NLGN1: variants seen among roughly 807,000 people sequenced by gnomAD.
The protein encoded by NLGN1 is neuroligin 1.
In NLGN1, 12 loss-of-function variants were observed where a neutral mutation model predicts 65.5. That is an observed-to-expected ratio of 0.18 (90% confidence interval 0.12 to 0.30). The LOEUF (loss-of-function observed/expected upper bound fraction) is 0.30. NLGN1 is among the 10% of genes least tolerant of loss of function. The probability of loss-of-function intolerance (pLI) is 1.00; values close to 1 mark genes in which losing one functional copy is unlikely to be tolerated. For missense variants in NLGN1, 750 were observed against 1,007.1 expected (o/e 0.74, Z 3.46); for synonymous variants, 350 against 359.5 (o/e 0.97, Z 0.30).
intron 3 of NLGN1, among the ~76,000 whole-genome samples, chr3:173,672,954 A>G (rs955020138): frequency 6.6e-5 from 10 of 152,118 alleles, no homozygotes; most frequent in Non-Finnish European, 1.2e-4. Context: ...CCTTGTCAAT[A>G]AACAATTGCT....
chr3:173,563,170 C>G (rs1743057219), intron 2 of NLGN1, among the ~76,000 whole-genome samples: 1 of 152,218 alleles, frequency 6.6e-6, no homozygotes, highest in African/African-American at 2.4e-5. Context: ...GCTTACTGAT[C>G]TGGGGCATCT....
chr3:173,652,072 G>T (rs1412388054), intron 3 of NLGN1, among the ~76,000 whole-genome samples: 5 of 152,170 alleles, frequency 3.3e-5, no homozygotes, highest in Non-Finnish European at 7.3e-5. Context: ...GGCGTTACAG[G>T]TGTGAGCCAC....
At chr3:173,975,701 A>G (rs1178121838) in intron 4 of NLGN1, among the ~76,000 whole-genome samples, 1 of 151,940 alleles carries the variant, frequency 6.6e-6, no homozygotes, top group Non-Finnish European at 1.5e-5. Context: ...TTTTACTCAG[A>G]CCAAGAATGC....
At chr3:173,755,473 T>C (rs958562259) in intron 3 of NLGN1, among the ~76,000 whole-genome samples, 21 of 152,108 alleles carry the variant, frequency 1.4e-4, no homozygotes, top group African/African-American at 5.1e-4. Context: ...CCTATTTCAC[T>C]TGACATTTGA....
intron 1 of NLGN1, among the ~76,000 whole-genome samples, chr3:173,411,803 G>T (rs949224217): frequency 8.6e-5 from 13 of 152,008 alleles, no homozygotes; most frequent in Non-Finnish European, 1.6e-4. Flanking sequence ...CTGCTTCTCT[G>T]GGTTACATCT....
intron 4 of NLGN1, among the ~76,000 whole-genome samples, chr3:173,858,003 A>G (rs543633100): frequency 4.0e-4 from 57 of 141,064 alleles, no homozygotes; most frequent in Non-Finnish European, 7.5e-4. Context: ...TTACTAAGTG[A>G]ACAATTACTA....
intron 2 of NLGN1, among the ~76,000 whole-genome samples, chr3:173,439,196 C>T (rs1718697533): frequency 6.6e-6 from 1 of 152,120 alleles, no homozygotes; most frequent in African/African-American, 2.4e-5. Context: ...ATATCACATT[C>T]TTTAGTTTCC....
chr3:173,510,106 G>C (rs1323491247), intron 2 of NLGN1, among the ~76,000 whole-genome samples: 1 of 152,170 alleles, frequency 6.6e-6, no homozygotes, highest in Non-Finnish European at 1.5e-5. Flanking sequence ...GGATCAAAAT[G>C]TAAGGTGGAT....
intron 3 of NLGN1, among the ~76,000 whole-genome samples, chr3:173,788,924 A>G (rs902963587): frequency 1.3e-5 from 2 of 150,822 alleles, no homozygotes; most frequent in Non-Finnish European, 3.0e-5. Flanking sequence ...TTGGCCGGGC[A>G]TGATGGCTCA....
intron 3 of NLGN1, among the ~76,000 whole-genome samples, chr3:173,619,385 C>A (rs1407306758): frequency 6.6e-6 from 1 of 152,076 alleles, no homozygotes; most frequent in Middle Eastern, 3.2e-3. Context: ...ATTATCTGAT[C>A]AAACAATTAT....
intron 3 of NLGN1, among the ~76,000 whole-genome samples, chr3:173,668,994 T>C (rs563699306): frequency 3.3e-5 from 5 of 152,230 alleles, no homozygotes; most frequent in Non-Finnish European, 7.3e-5. Flanking sequence ...GTAATAGATA[T>C]GGCAAACCCC....
At chr3:174,210,451 TAATGGAG>T (rs1445290343) in intron 4 of NLGN1, among the ~76,000 whole-genome samples, 2 of 152,172 alleles carry the variant, frequency 1.3e-5, no homozygotes, top group East Asian at 3.9e-4. Flanking sequence ...TAGGCCAGAT[TAATGGAG>T]GCAACTGGTG....
At chr3:173,763,660 A>C (rs1578317581) in intron 3 of NLGN1, among the ~76,000 whole-genome samples, 1 of 152,200 alleles carries the variant, frequency 6.6e-6, no homozygotes, top group African/African-American at 2.4e-5. Flanking sequence ...GAACTGTCCT[A>C]TGCCTTCAAC....
intron 4 of NLGN1, among the ~76,000 whole-genome samples, chr3:174,244,838 C>T (rs1743507584): frequency 6.6e-6 from 1 of 152,154 alleles, no homozygotes; most frequent in South Asian, 2.1e-4. Flanking sequence ...TCACAGACGA[C>T]ATCTAATCTG....
At chr3:173,871,526 T>A (rs925089363) in intron 4 of NLGN1, among the ~76,000 whole-genome samples, 6 of 152,178 alleles carry the variant, frequency 3.9e-5, no homozygotes, top group African/African-American at 1.4e-4. Flanking sequence ...TCTCAGTAAA[T>A]GTTACTTGAA....
At chr3:174,123,851 A>C (rs1356648694) in intron 4 of NLGN1, among the ~76,000 whole-genome samples, 1 of 152,092 alleles carries the variant, frequency 6.6e-6, no homozygotes, top group Non-Finnish European at 1.5e-5. Context: ...TATGTACTTC[A>C]ACTGCCTGCT....
chr3:174,246,985 G>A (rs1743912048), intron 4 of NLGN1, among the ~76,000 whole-genome samples: 1 of 152,102 alleles, frequency 6.6e-6, no homozygotes, highest in Admixed American at 6.5e-5. Flanking sequence ...GGTCCATGTA[G>A]ACATACAGAG....
At chr3:173,530,711 TA>T (rs1444452468) in intron 2 of NLGN1, among the ~76,000 whole-genome samples, 1 of 152,182 alleles carries the variant, frequency 6.6e-6, no homozygotes, top group Non-Finnish European at 1.5e-5. Flanking sequence ...ACCTTTCTAC[TA>T]AAAAATCTGA....
chr3:174,077,237 A>G (rs1256774757), intron 4 of NLGN1, among the ~76,000 whole-genome samples: 2 of 152,080 alleles, frequency 1.3e-5, no homozygotes, highest in Non-Finnish European at 2.9e-5. Context: ...TGTAGAATAC[A>G]TTGTGGGAGG....
Sources: gnomAD v4.1 joint callset for allele counts (sites outside exome capture counted in the v4.1 genomes callset) on GRCh38, gnomAD v4.1.1 for gene constraint, MANE v1.5 for transcripts, NCBI Gene and HGNC (gene_info 2026-07-23, HGNC 2026-07-21) for gene names.